GTF2F1: variants seen among roughly 807,000 people sequenced by gnomAD.
The protein encoded by GTF2F1 is general transcription factor IIF subunit 1.
In GTF2F1, 39 loss-of-function variants were observed where a neutral mutation model predicts 63.5. The observed-to-expected ratio is 0.61, with a 90% CI of 0.48 to 0.80. The LOEUF is 0.80. Among genes scored for constraint, GTF2F1 ranks in the 30% least tolerant of loss-of-function variants. The probability of loss-of-function intolerance (pLI) is 0.00; values close to 1 mark genes in which losing one functional copy is unlikely to be tolerated. For synonymous variants in GTF2F1, 287 were observed against 285.3 expected (o/e 1.01, Z -0.06); for missense variants, 657 against 718.3 (o/e 0.91, Z 0.97).
At chr19:6,391,580 G>A (rs528836052) in intron 3 of GTF2F1, among the ~76,000 whole-genome samples, 9 of 148,374 alleles carry the variant, frequency 6.1e-5, no homozygotes, top group Admixed American at 1.4e-4. Context: ...AGCCTCCTAT[G>A]TAGGACTACA....
chr19:6,381,420 C>T lies in GTF2F1; in HGVS notation c.957G>A (p.Glu319=). Residue 319 remains glutamate (E), a synonymous_variant, in exon 9 of 13, where the codon GAG becomes GAA. Coordinates refer to ENST00000394456, the MANE Select transcript of GTF2F1 (RefSeq NM_002096.3). The surrounding 1 kb of genome is among the most constrained non-coding windows in gnomAD (Gnocchi z 4.1). ...EESEEEKPPE[E]DKEEEEEKKA... is the part of the protein sequence containing the mutation. ...TCTTCTCCTCCTCCTCCTCCTTGTC[C>T]TCCTCAGGCGGCTTCTCCTCCTCAC... 1 of 1,610,782 alleles carries T rather than the reference C, an allele frequency of 6.2e-7. No homozygotes were observed. Among genetic ancestry groups the T allele is most frequent in the Non-Finnish European group, 8.5e-7 (1 of 1,179,778 alleles).
Position 6,383,183 on chromosome 19 carries a change from T to G in GTF2F1, c.682+128A>C. ...TCTCAAAGTGCTGGGATGACAGGCG[T>G]GAGCCACTGTGCCCGGCCCCACTTG... On this transcript the variant is annotated intron_variant, in intron 6 of 12. Coordinates refer to ENST00000394456, the MANE Select transcript of GTF2F1 (RefSeq NM_002096.3). This position sits in a 1 kb window ranked among gnomAD's most constrained non-coding sequence, Gnocchi z 4.5. 1 of 959,552 alleles carries G rather than the reference T, an allele frequency of 1.0e-6. No individual in the cohort carries two copies. The allele number at this position is 959,552 out of a possible 1,614,324, so 59.4% of individuals were successfully genotyped here.
intron 5 of GTF2F1, among the ~76,000 whole-genome samples, chr19:6,386,434 G>A (rs1353198005): frequency 5.3e-5 from 8 of 152,012 alleles, no homozygotes; most frequent in Non-Finnish European, 1.5e-5. Flanking sequence ...ACACCAAAGA[G>A]GGAAAAAGGT....
At chr19:6,385,047 C>G (rs2091968828) in intron 5 of GTF2F1, among the ~76,000 whole-genome samples, 1 of 152,062 alleles carries the variant, frequency 6.6e-6, no homozygotes, top group Non-Finnish European at 1.5e-5. Flanking sequence ...GATCCGCTCT[C>G]CACGTGCCCA....
Position 6,383,182 on chromosome 19 carries a change from GTGAGCCAC to G in GTF2F1, c.682+121_682+128del. On this transcript the variant is annotated intron_variant, in intron 6 of 12. Transcript: ENST00000394456. This position sits in a 1 kb window ranked among gnomAD's most constrained non-coding sequence, Gnocchi z 4.5. ...CTCTCAAAGTGCTGGGATGACAGGC[GTGAGCCAC>G]TGTGCCCGGCCCCACTTGCCTCTCA... 1 of 947,262 alleles carries G rather than the reference GTGAGCCAC, an allele frequency of 1.1e-6. No homozygotes were observed. Among genetic ancestry groups the G allele is most frequent in the East Asian group, 2.5e-5 (1 of 39,710 alleles). The allele number at this position is 947,262 out of a possible 1,614,324, so 58.7% of individuals were successfully genotyped here.
In GTF2F1 at chr19:6,379,804, T is replaced by C. The variant is rs1477777226; in HGVS notation, c.*477A>G. The C allele has an allele frequency of 1.2e-5, 2 of 168,882 alleles. No homozygotes were observed. The highest frequency in any genetic ancestry group is 2.6e-5 in the Non-Finnish European group (2 of 77,072). The allele number at this position is 168,882 out of a possible 1,614,324, so 10.5% of individuals were successfully genotyped here. ...CCCAGGCTGGAATGCAGTGGCACCA[T>C]CATAGTTCACTGCAGCCTTGAACTG... is the stretch of plus-strand genomic sequence containing the variant. On this transcript the variant is annotated 3_prime_UTR_variant, in exon 13 of 13. Coordinates refer to ENST00000394456, the MANE Select transcript of GTF2F1 (RefSeq NM_002096.3).
Position 6,380,251 on chromosome 19 carries a change from G to T in GTF2F1, c.*30C>A, listed in dbSNP as rs1000029043. ...AGGGGCAGTGAGAGCCTTAAGTTCT[G>T]GGGGGCAGAGCCATGTATTGGACCA... On this transcript the variant is annotated 3_prime_UTR_variant, in exon 13 of 13. Coordinates refer to ENST00000394456, the MANE Select transcript of GTF2F1 (RefSeq NM_002096.3). This position sits in a 1 kb window ranked among gnomAD's most constrained non-coding sequence, Gnocchi z 5.3. 2 of 1,575,202 alleles carry T rather than the reference G, an allele frequency of 1.3e-6. No individual in the cohort carries two copies. Among genetic ancestry groups the T allele is most frequent in the South Asian group, 1.1e-5 (1 of 90,314 alleles).
chr19:6,391,654 T>C (rs1440371980), intron 3 of GTF2F1, among the ~76,000 whole-genome samples: 1 of 151,966 alleles, frequency 6.6e-6, no homozygotes, highest in Non-Finnish European at 1.5e-5. Flanking sequence ...CTTGCTATTG[T>C]ATTGCCCAGG....
intron 2 of GTF2F1, 54 bp downstream of exon 2, chr19:6,392,803 A>C (rs2092005947): frequency 6.5e-7 from 1 of 1,539,748 alleles, no homozygotes. Context: ...AAGATCGTGA[A>C]GGTTTTCATT....
At position 6,380,235 on chromosome 19, in the gene GTF2F1, G is replaced by T; in HGVS notation, c.*46C>A. On this transcript the variant is annotated 3_prime_UTR_variant, in exon 13 of 13. Coordinates refer to ENST00000394456, the MANE Select transcript of GTF2F1 (RefSeq NM_002096.3). The surrounding 1 kb of genome is among the most constrained non-coding windows in gnomAD (Gnocchi z 5.3). ...CACTCTAGGATGGCGAAGGGGCAGT[G>T]AGAGCCTTAAGTTCTGGGGGGCAGA... is the stretch of plus-strand genomic sequence containing the variant. 6.7e-7 allele frequency: 1 copy of T among 1,501,298 alleles called. No homozygotes were observed. Among genetic ancestry groups the T allele is most frequent in the Non-Finnish European group, 9.3e-7 (1 of 1,077,160 alleles). 93.0% of individuals were successfully genotyped at this position (1,501,298 alleles called of 1,614,324 possible).
rs932339539 is a variant in GTF2F1, at chr19:6,383,613, G to T, written c.498-118C>A. 3.1e-5 allele frequency: 33 copies of T among 1,074,432 alleles called. No individual in the cohort carries two copies. The African/African-American group carries it at 4.5e-4, about 15-fold the overall frequency. The allele number at this position is 1,074,432 out of a possible 1,614,324, so 66.6% of individuals were successfully genotyped here. ...GCCTTCAAGGTGATGTGGCCCCCGG[G>T]GACTTGGGCTGTGGCACAGGACTCC... On this transcript the variant is annotated intron_variant, in intron 5 of 12. Coordinates refer to ENST00000394456, the MANE Select transcript of GTF2F1 (RefSeq NM_002096.3). The surrounding 1 kb of genome is among the most constrained non-coding windows in gnomAD (Gnocchi z 4.5).
intron 6 of GTF2F1, among the ~76,000 whole-genome samples, chr19:6,382,126 A>G (rs1307740855): frequency 6.6e-6 from 1 of 152,130 alleles, no homozygotes; most frequent in Non-Finnish European, 1.5e-5. Context: ...CAGCCCCTAC[A>G]GCCCGGAGCG....
Position 6,381,649 on chromosome 19 carries a change from G to A in GTF2F1, c.837-34C>T, listed in dbSNP as rs10425395. The A allele has an allele frequency of 7.0e-3, 11,315 of 1,613,996 alleles. 626 individuals carry two copies. The African/African-American group carries it at 0.12, about 18-fold the overall frequency. On this transcript the variant is annotated intron_variant, in intron 7 of 12. Transcript: ENST00000394456. The surrounding 1 kb of genome is among the most constrained non-coding windows in gnomAD (Gnocchi z 4.1). The stretch of plus-strand genomic sequence containing the variant: ...CGGGGATGGCAAAGGATGAGCGCGC[G>A]CTCGCGAGGCTGCATGGGGTCTCGC...
At position 6,381,418 on chromosome 19, in the gene GTF2F1, T is replaced by C. The variant is rs571772186; in HGVS notation, c.959A>G (p.Asp320Gly). The change falls in exon 9 of 13, where the codon GAC (aspartate) becomes GGC (glycine). Residue 320 changes from aspartate to glycine, a missense_variant. Physicochemically the swap from Asp to Gly is moderately conservative, Grantham distance 94 (BLOSUM62 -1). This residue lies in a region of GTF2F1 where 602 missense variants were observed against 625.6 expected (regional missense o/e 0.96). Transcript: ENST00000394456. This position sits in a 1 kb window ranked among gnomAD's most constrained non-coding sequence, Gnocchi z 4.1. ...CTTCTTCTCCTCCTCCTCCTCCTTG[T>C]CCTCCTCAGGCGGCTTCTCCTCCTC... is the stretch of plus-strand genomic sequence containing the variant. ...ESEEEKPPEE[D>G]KEEEEEKKAP... is the part of the protein sequence containing the mutation. 9.9e-6 allele frequency: 16 copies of C among 1,610,954 alleles called. No homozygotes were observed. In the South Asian group the frequency reaches 1.4e-4, roughly 14 times the overall value.
rs1205100742 is a variant in GTF2F1 at position 6,393,080 on chromosome 19, C to G, written c.-85G>C. Reference sequence around the variant, plus strand: ...TGCGCGTCCCTCGATCCCGGGGAAGCCGCCGCTCGGTGTCGGGTCTCTGTG... The same window carrying G: ...TGCGCGTCCCTCGATCCCGGGGAAGGCGCCGCTCGGTGTCGGGTCTCTGTG... On this transcript the variant is annotated 5_prime_UTR_variant, in exon 1 of 13. Coordinates refer to ENST00000394456, the MANE Select transcript of GTF2F1 (RefSeq NM_002096.3). The G allele has an allele frequency of 6.4e-7, 1 of 1,571,418 alleles. No homozygotes were observed. Among genetic ancestry groups the G allele is most frequent in the Non-Finnish European group, 8.7e-7 (1 of 1,144,432 alleles).
rs1486529931 is a variant in GTF2F1 at position 6,391,902 on chromosome 19, C to T, written c.132G>A (p.Gln44=). ...ADKVNFATWN[Q]ARLERDLSNK... is the part of the protein sequence containing the mutation. ...TGACCCCCAGGACTCAGAGACTTACCTGATTCCACGTAGCAAAGTTGACTT... is the reference window on the plus strand; with the variant it reads ...TGACCCCCAGGACTCAGAGACTTACTTGATTCCACGTAGCAAAGTTGACTT... The change falls in exon 3 of 13, where the codon CAG becomes CAA. Residue 44 remains glutamine, a splice_region_variant and synonymous_variant. Coordinates refer to ENST00000394456, the MANE Select transcript of GTF2F1 (RefSeq NM_002096.3). The T allele has an allele frequency of 1.3e-6, 2 of 1,569,452 alleles. No homozygotes were observed. The highest frequency in any genetic ancestry group is 1.7e-6 in the Non-Finnish European group (2 of 1,151,602).
At chr19:6,389,852 GA>G (rs371080760) in intron 3 of GTF2F1, 71 of 487,386 alleles carry the variant, frequency 1.5e-4, no homozygotes, top group African/African-American at 1.2e-3. Flanking sequence ...TTAAAAGCTT[GA>G]AATTATTTCC....
At position 6,381,727 on chromosome 19, in the gene GTF2F1, T is replaced by C; in HGVS notation, c.806A>G (p.Gln269Arg). The stretch of plus-strand genomic sequence containing the variant: ...GCCGTCTGACATGTAGTCCACCTCT[T>C]GGCCCTCGAAGTCCCCATCATCGCT... ...EDSDDGDFEG[Q>R]EVDYMSDGSS... The change falls in exon 7 of 13, where the codon CAA (glutamine) becomes CGA (arginine). Residue 269 changes from glutamine to arginine, a missense_variant. By Grantham distance (43) the Gln-to-Arg change is conservative (BLOSUM62 1). Transcript: ENST00000394456. This position sits in a 1 kb window ranked among gnomAD's most constrained non-coding sequence, Gnocchi z 4.1. 6.2e-7 allele frequency: 1 copy of C among 1,614,202 alleles called. No homozygotes were observed. Among genetic ancestry groups the C allele is most frequent in the Non-Finnish European group, 8.5e-7 (1 of 1,180,034 alleles).
chr19:6,381,661 G>C lies in GTF2F1; in HGVS notation c.836+36C>G, dbSNP rs1413361588. 1 of 1,614,086 alleles carries C rather than the reference G, an allele frequency of 6.2e-7. No homozygotes were observed. Among genetic ancestry groups the C allele is most frequent in the South Asian group, 1.1e-5 (1 of 91,086 alleles). On this transcript the variant is annotated intron_variant, in intron 7 of 12. Coordinates refer to ENST00000394456, the MANE Select transcript of GTF2F1 (RefSeq NM_002096.3). This position sits in a 1 kb window ranked among gnomAD's most constrained non-coding sequence, Gnocchi z 4.1. ...AGGATGAGCGCGCGCTCGCGAGGCT[G>C]CATGGGGTCTCGCAGGCGCCTCCCG...
Sources: allele counts gnomAD v4.1 joint callset (sites outside exome capture counted in the v4.1 genomes callset), GRCh38; gene constraint gnomAD v4.1.1; regional missense constraint gnomAD v4.1.1; non-coding constraint Gnocchi (gnomAD v3.1); transcripts MANE v1.5; gene names NCBI Gene and HGNC (gene_info 2026-07-23, HGNC 2026-07-21).